The following UPRT variants were observed in gnomAD, a reference collection of about 807,000 sequenced individuals.
UPRT encodes RP11-311P8.3.
Under a neutral mutation model 22.6 loss-of-function variants are expected in UPRT, and 5 were observed. The ratio of observed to expected loss-of-function variants is 0.22; its 90% CI spans 0.12 to 0.47. UPRT has a LOEUF of 0.47. Ranked by LOEUF, UPRT falls within the 20% of genes least tolerant of loss-of-function variation. The pLI, the probability that UPRT is intolerant of heterozygous loss-of-function variation, is 0.99. For synonymous variants in UPRT, 77 were observed against 87.7 expected (o/e 0.88, Z 0.68); for missense variants, 181 against 239.9 (o/e 0.75, Z 1.62).
intron 4 of UPRT, among the ~76,000 whole-genome samples, chrX:75,187,023 T>A (rs932776964): frequency 5.4e-5 from 6 of 111,597 alleles, no homozygotes; most frequent in Non-Finnish European, 1.1e-4. Context: ...TCCATTTACA[T>A]TTAAGGTTAA....
chrX:75,269,222 C>T (rs1183297505), upstream of UPRT, among the ~76,000 whole-genome samples: 2 of 111,270 alleles, frequency 1.8e-5, no homozygotes, highest in Non-Finnish European at 3.8e-5. Flanking sequence ...CTCTTCAAGG[C>T]GAACTAGAAA....
At chrX:75,248,796 G>C (rs771156182) in intron 4 of UPRT, among the ~76,000 whole-genome samples, 2 of 111,874 alleles carry the variant, frequency 1.8e-5, no homozygotes, top group East Asian at 5.6e-4. Flanking sequence ...AAAATGTTAA[G>C]GGCAGCCAGA....
At chrX:75,172,184 G>C (rs1003559365) in intron 4 of UPRT, among the ~76,000 whole-genome samples, 1 of 111,561 alleles carries the variant, frequency 9.0e-6, no homozygotes, top group Non-Finnish European at 1.9e-5. Flanking sequence ...TACCAGGATG[G>C]GTAGAGAAAG....
In UPRT at chrX:75,262,442, T is replaced by G. The variant is rs751754590; in HGVS notation, c.-446-28582T>G. Among the ~76,000 whole-genome samples, 5 of 111,495 alleles carry G rather than the reference T, an allele frequency of 4.5e-5. No homozygotes were observed. In the East Asian group the frequency reaches 1.1e-3, roughly 25 times the overall value. ...AAATTTACACATGATGATATTAAAC[T>G]TAAATGTAAATAGGCTAAATGATCC... On this transcript the variant is annotated intron_variant, in intron 4 of 13. Transcript: ENST00000652605.
intron 1 of UPRT, among the ~76,000 whole-genome samples, chrX:75,286,309 G>GGT (rs1312154116): frequency 3.4e-5 from 3 of 88,053 alleles, no homozygotes; most frequent in East Asian, 1.2e-3. Context: ...ATTTACTTGG[G>GGT]GGGGGGGTGG....
intron 4 of UPRT, among the ~76,000 whole-genome samples, chrX:75,268,330 C>G (rs2082597157): frequency 9.0e-6 from 1 of 111,237 alleles, no homozygotes. Flanking sequence ...ACCAGAGGTA[C>G]AAGGAGGAGC....
chrX:75,242,156 C>T (rs1022191502), intron 4 of UPRT, among the ~76,000 whole-genome samples: 8 of 111,579 alleles, frequency 7.2e-5, no homozygotes, highest in East Asian at 2.8e-4. Flanking sequence ...GTAAGATAGA[C>T]ATATGCAAGG....
chrX:75,227,975 C>A (rs1017573698), intron 4 of UPRT, among the ~76,000 whole-genome samples: 3 of 111,849 alleles, frequency 2.7e-5, no homozygotes, highest in African/African-American at 9.8e-5. Flanking sequence ...TTCACACAGG[C>A]ACATTGATAG....
At position 75,304,155 on chromosome X, in the gene UPRT, G is replaced by C. The variant is rs1354251654; in HGVS notation, c.*644G>C. The C allele has an allele frequency of 9.0e-6, 1 of 111,509 alleles. No individual in the cohort carries two copies. The highest frequency in any genetic ancestry group is 1.9e-5 in the Non-Finnish European group (1 of 53,142). The allele number at this position is 111,509 out of a possible 1,213,427, so 9.2% of individuals were successfully genotyped here. A position where few individuals can be genotyped will look rare whatever the true frequency, so the allele number is the denominator to read the frequency against. On this transcript the variant is annotated 3_prime_UTR_variant, in exon 7 of 7. Coordinates refer to ENST00000373383, the MANE Select transcript of UPRT (RefSeq NM_145052.4). ...CTGTAATGCAGTGAAGAAGATGGTG[G>C]GGCATTTTTAGTAATTGGAACTGTA...
intron 1 of UPRT, among the ~76,000 whole-genome samples, chrX:75,279,528 G>T (rs2147687697): frequency 9.0e-6 from 1 of 111,545 alleles, no homozygotes; most frequent in African/African-American, 3.3e-5. Flanking sequence ...CTGACACAAA[G>T]GATAATTAAT....
intron 4 of UPRT, among the ~76,000 whole-genome samples, chrX:75,257,477 C>G (rs1245290462): frequency 8.9e-6 from 1 of 111,772 alleles, no homozygotes; most frequent in Non-Finnish European, 1.9e-5. Flanking sequence ...AATGCCCACT[C>G]TCACTGCTCC....
chrX:75,185,502 T>C (rs1398516994), intron 4 of UPRT, among the ~76,000 whole-genome samples: 2 of 111,887 alleles, frequency 1.8e-5, no homozygotes, highest in East Asian at 2.8e-4. Flanking sequence ...TGTGTCTCTG[T>C]CTGGCTTTGG....
At chrX:75,184,719 T>C (rs960496295) in intron 4 of UPRT, among the ~76,000 whole-genome samples, 5 of 109,402 alleles carry the variant, frequency 4.6e-5, no homozygotes, top group African/African-American at 1.7e-4. Flanking sequence ...GGTTTGTAGT[T>C]ATCCTTGAAG....
At chrX:75,232,910 C>A (rs1369749008) in intron 4 of UPRT, among the ~76,000 whole-genome samples, 2 of 112,413 alleles carry the variant, frequency 1.8e-5, no homozygotes, top group South Asian at 3.7e-4. Flanking sequence ...CAGTTCCTCA[C>A]CAGCAACAGA....
intron 1 of UPRT, among the ~76,000 whole-genome samples, chrX:75,283,429 T>C (rs771736114): frequency 9.0e-6 from 1 of 111,626 alleles, no homozygotes; most frequent in Non-Finnish European, 1.9e-5. Context: ...TGTTTTGATG[T>C]GTTTCCAGGA....
Position 75,238,583 on chromosome X carries a change from A to G in UPRT, c.-446-52441A>G, listed in dbSNP as rs1278869856. Reference sequence around the variant, plus strand: ...CAGGTCATCAAGACAGAAAGTCAACAGAGAAACAATGGACTTAAAAGAAGA... The same window carrying G: ...CAGGTCATCAAGACAGAAAGTCAACGGAGAAACAATGGACTTAAAAGAAGA... On this transcript the variant is annotated intron_variant, in intron 4 of 13. Transcript: ENST00000652605. Among the ~76,000 whole-genome samples, 4 of 111,955 alleles carry G rather than the reference A, an allele frequency of 3.6e-5. No homozygotes were observed. In the Admixed American group the frequency reaches 3.8e-4, roughly 11 times the overall value.
chrX:75,204,354 A>AATG (rs2082357078), intron 4 of UPRT, among the ~76,000 whole-genome samples: 1 of 112,036 alleles, frequency 8.9e-6, no homozygotes, highest in African/African-American at 3.2e-5. Context: ...GCAAAATGTT[A>AATG]ATGTTTGGAG....
chrX:75,234,281 T>C (rs937132975), intron 4 of UPRT, among the ~76,000 whole-genome samples: 7 of 111,182 alleles, frequency 6.3e-5, no homozygotes, highest in African/African-American at 2.3e-4. Context: ...CCCAGATTCA[T>C]AAAGCAAGTC....
At chrX:75,195,160 G>A (rs1263714059) in intron 4 of UPRT, among the ~76,000 whole-genome samples, 1 of 112,433 alleles carries the variant, frequency 8.9e-6, no homozygotes, top group Non-Finnish European at 1.9e-5. Flanking sequence ...TGGGGTGATG[G>A]CATGGGTGGG....
Sources: allele counts gnomAD v4.1 joint callset (sites outside exome capture counted in the v4.1 genomes callset), GRCh38; gene constraint gnomAD v4.1.1; transcripts MANE v1.5; gene names NCBI Gene and HGNC (gene_info 2026-07-23, HGNC 2026-07-21).